Variants in PDE4D observed in about 807,000 individuals in gnomAD.
PDE4D encodes the protein phosphodiesterase 4D.
Under a neutral mutation model 87.4 loss-of-function variants are expected in PDE4D, and 24 were observed. That is an observed-to-expected ratio of 0.27 (90% CI 0.20 to 0.39). The LOEUF is 0.39. PDE4D is among the 10% of genes least tolerant of loss of function. The pLI is 1.00. For synonymous variants in PDE4D, 384 were observed against 383.2 expected, an observed-to-expected ratio of 1.00 and a Z score of -0.02; for missense variants, 714 against 1,041.0, an observed-to-expected ratio of 0.69 and a Z score of 4.32.
intron 3 of PDE4D, among the ~76,000 whole-genome samples, chr5:59,910,428 A>T (rs1227740190): frequency 6.6e-6 from 1 of 152,204 alleles, no homozygotes; most frequent in African/African-American, 2.4e-5. Context: ...TTCTTATTTT[A>T]TGAGCTTACA....
chr5:59,927,006 A>G (rs1755365292), intron 3 of PDE4D, among the ~76,000 whole-genome samples: 1 of 152,238 alleles, frequency 6.6e-6, no homozygotes, highest in Admixed American at 6.5e-5. Context: ...GAATACTTCC[A>G]AACACATTCT....
At chr5:59,361,467 T>C (rs144712485) in intron 1 of PDE4D, among the ~76,000 whole-genome samples, 20 of 152,308 alleles carry the variant, frequency 1.3e-4, no homozygotes, top group Non-Finnish European at 2.8e-4. Flanking sequence ...TCTTTCTATT[T>C]AATATTCTAC....
At chr5:59,712,277 C>A (rs1192232402) in intron 1 of PDE4D, among the ~76,000 whole-genome samples, 1 of 151,198 alleles carries the variant, frequency 6.6e-6, no homozygotes, top group African/African-American at 2.4e-5. Flanking sequence ...ATTTTTCTAA[C>A]CTTATGGTCT....
At chr5:60,185,163 G>A (rs757793008) in intron 2 of PDE4D, among the ~76,000 whole-genome samples, 5 of 152,118 alleles carry the variant, frequency 3.3e-5, no homozygotes, top group Non-Finnish European at 7.4e-5. Flanking sequence ...GAATGTGACT[G>A]GTTGAAGTAA....
At chr5:60,443,475 C>T (rs1745400753) in intron 1 of PDE4D, among the ~76,000 whole-genome samples, 1 of 152,078 alleles carries the variant, frequency 6.6e-6, no homozygotes, top group South Asian at 2.1e-4. Flanking sequence ...AGAGAAAGCA[C>T]ACTTAAATGA....
intron 1 of PDE4D, among the ~76,000 whole-genome samples, chr5:59,471,345 T>C (rs1240564347): frequency 6.6e-6 from 1 of 152,254 alleles, no homozygotes; most frequent in African/African-American, 2.4e-5. Context: ...TGTCTTGACA[T>C]AGCATTCATT....
intron 2 of PDE4D, among the ~76,000 whole-genome samples, chr5:60,181,239 T>A (rs913015683): frequency 6.6e-6 from 1 of 152,114 alleles, no homozygotes; most frequent in South Asian, 2.1e-4. Flanking sequence ...AATGTAAAGG[T>A]ACAGATGGAA....
At chr5:59,613,838 C>G (rs2150078754) in intron 1 of PDE4D, among the ~76,000 whole-genome samples, 1 of 152,214 alleles carries the variant, frequency 6.6e-6, no homozygotes, top group East Asian at 1.9e-4. Flanking sequence ...AATGCCAGAA[C>G]TTATGAAATC....
At chr5:60,066,592 TATCATCATC>T (rs55735827) in intron 2 of PDE4D, among the ~76,000 whole-genome samples, 15 of 149,580 alleles carry the variant, frequency 1.0e-4, no homozygotes, top group South Asian at 2.1e-4. Context: ...TAAAGCAAAT[TATCATCATC>T]ATCATCATCA....
intron 1 of PDE4D, among the ~76,000 whole-genome samples, chr5:59,497,797 A>G (rs1367671026): frequency 6.6e-6 from 1 of 152,188 alleles, no homozygotes; most frequent in Non-Finnish European, 1.5e-5. Context: ...AGAGAAGTCA[A>G]CATGCACATA....
intron 1 of PDE4D, among the ~76,000 whole-genome samples, chr5:59,855,878 T>G (rs1745351318): frequency 6.6e-6 from 1 of 152,178 alleles, no homozygotes; most frequent in African/African-American, 2.4e-5. Flanking sequence ...ATGAGTCAAG[T>G]ATTCTACGAT....
At chr5:60,127,293 T>A (rs998028371) in intron 2 of PDE4D, among the ~76,000 whole-genome samples, 2 of 152,148 alleles carry the variant, frequency 1.3e-5, no homozygotes, top group Non-Finnish European at 2.9e-5. Flanking sequence ...ATGACGTTAA[T>A]AGTCTTAAGA....
Position 59,307,770 on chromosome 5 carries a change from C to A in PDE4D, c.456-91802G>T, listed in dbSNP as rs374237083. Reference sequence around the variant, plus strand: ...ACTTTTACACTGTTGGTGGGACTGTCAACTAGTTCAACCATTGTGGAAGTC... The same window carrying A: ...ACTTTTACACTGTTGGTGGGACTGTAAACTAGTTCAACCATTGTGGAAGTC... On this transcript the variant is annotated intron_variant, in intron 1 of 14. Coordinates refer to ENST00000340635, the MANE Select transcript of PDE4D (RefSeq NM_001104631.2). 1.5e-3 allele frequency among the ~76,000 whole-genome samples: 223 copies of A among 151,886 alleles called. 1 individual carries two copies. The highest frequency in any genetic ancestry group is 5.0e-3 in the African/African-American group (206 of 41,232).
chr5:60,314,291 C>T (rs142487732), intron 1 of PDE4D, among the ~76,000 whole-genome samples: 1,589 of 151,824 alleles, frequency 0.01, 19 homozygotes, highest in Non-Finnish European at 0.017. Flanking sequence ...CTCAGCCTCC[C>T]GAGTAGCTGG....
intron 1 of PDE4D, among the ~76,000 whole-genome samples, chr5:59,614,950 C>T (rs1463280950): frequency 6.6e-6 from 1 of 152,016 alleles, no homozygotes; most frequent in East Asian, 1.9e-4. Context: ...AGGCCTCAGC[C>T]TCCTGAGTAG....
At chr5:59,829,201 T>C (rs1770685344) in intron 1 of PDE4D, among the ~76,000 whole-genome samples, 1 of 151,958 alleles carries the variant, frequency 6.6e-6, no homozygotes, top group Admixed American at 6.6e-5. Flanking sequence ...GGATGCAGGA[T>C]ACAGTCACAG....
chr5:59,908,610 T>TTGTATATTTTATTCACTATG (rs1300591251), intron 3 of PDE4D, among the ~76,000 whole-genome samples: 7 of 152,216 alleles, frequency 4.6e-5, no homozygotes, highest in Non-Finnish European at 1.0e-4. Context: ...AGGTCCATGA[T>TTGTATATTTTATTCACTATG]TGTATATTTT....
intron 2 of PDE4D, among the ~76,000 whole-genome samples, chr5:60,014,587 A>C (rs1765341325): frequency 6.6e-6 from 1 of 152,326 alleles, no homozygotes; most frequent in African/African-American, 2.4e-5. Flanking sequence ...TAAACTCTTA[A>C]AAACGTTACT....
At chr5:59,846,951 C>A (rs1743949969) in intron 1 of PDE4D, among the ~76,000 whole-genome samples, 1 of 151,992 alleles carries the variant, frequency 6.6e-6, no homozygotes, top group South Asian at 2.1e-4. Context: ...GTAATTGGAG[C>A]AAGGGCTGCG....
Sources: allele counts gnomAD v4.1 joint callset (sites outside exome capture counted in the v4.1 genomes callset), GRCh38; gene constraint gnomAD v4.1.1; transcripts MANE v1.5; gene names NCBI Gene and HGNC (gene_info 2026-07-23, HGNC 2026-07-21).